E2F3: variants seen among roughly 807,000 people sequenced by gnomAD.
E2F3 encodes transcription factor E2F3.
Under a neutral mutation model 44.4 loss-of-function variants are expected in E2F3, and 11 were observed. The ratio of observed to expected loss-of-function variants is 0.25; its 90% CI spans 0.16 to 0.41. The LOEUF is 0.41. E2F3 is among the 10% of genes least tolerant of loss of function. The pLI is 1.00. For missense variants in E2F3, 487 were observed against 583.6 expected, an observed-to-expected ratio of 0.83 and a Z score of 1.70; for synonymous variants, 249 against 253.0, an observed-to-expected ratio of 0.98 and a Z score of 0.15.
intron 6 of E2F3, among the ~76,000 whole-genome samples, chr6:20,489,386 C>T (rs144475062): frequency 6.6e-6 from 1 of 152,070 alleles, no homozygotes; most frequent in East Asian, 1.9e-4. Context: ...TCGCTTGAGC[C>T]CAGGAGTTCG....
rs184895511 is a variant in E2F3, at chr6:20,467,876, C to T, written c.394-11970C>T. On this transcript the variant is annotated intron_variant, in intron 1 of 6. Coordinates refer to ENST00000346618, the MANE Select transcript of E2F3 (RefSeq NM_001949.5). Reference sequence around the variant, plus strand: ...CTTTAGTGACTGATGCCACTCCATACCATGGGTATGGAGCTGCCACTCCAT... The same window carrying T: ...CTTTAGTGACTGATGCCACTCCATATCATGGGTATGGAGCTGCCACTCCAT... 2.1e-3 allele frequency among the ~76,000 whole-genome samples: 318 copies of T among 151,776 alleles called. 1 individual carries two copies. The highest frequency in any genetic ancestry group is 3.4e-3 in the Non-Finnish European group (234 of 67,914).
intron 1 of E2F3, among the ~76,000 whole-genome samples, chr6:20,434,411 A>G (rs1255964479): frequency 6.6e-6 from 1 of 152,212 alleles, no homozygotes; most frequent in Non-Finnish European, 1.5e-5. Context: ...GAATCTGTGG[A>G]CTTAAAGACA....
chr6:20,471,553 C>A (rs1233365180), intron 1 of E2F3, among the ~76,000 whole-genome samples: 1 of 151,990 alleles, frequency 6.6e-6, no homozygotes, highest in Non-Finnish European at 1.5e-5. Context: ...TGCACTCTAG[C>A]CTGGGCAAAA....
intron 1 of E2F3, among the ~76,000 whole-genome samples, chr6:20,473,189 A>G (rs1040934932): frequency 6.6e-6 from 1 of 152,222 alleles, no homozygotes; most frequent in African/African-American, 2.4e-5. Context: ...ATTATATGTA[A>G]AGAAGAGTTT....
chr6:20,416,111 G>A (rs771156634), intron 1 of E2F3, among the ~76,000 whole-genome samples: 22 of 152,186 alleles, frequency 1.4e-4, no homozygotes, highest in Non-Finnish European at 3.1e-4. Context: ...CCTGTAAAGT[G>A]CTGGCTCCGT....
At position 20,431,421 on chromosome 6, in the gene E2F3, G is replaced by C. The variant is rs1269383839; in HGVS notation, c.393+28796G>C. Among the ~76,000 whole-genome samples, 3 of 152,170 alleles carry C rather than the reference G, an allele frequency of 2.0e-5. No homozygotes were observed. The East Asian group carries it at 5.8e-4, about 29-fold the overall frequency. On this transcript the variant is annotated intron_variant, in intron 1 of 6. Transcript: ENST00000346618. ...CGTGAGCTGAGATTTGCCTTCTGCT[G>C]ACGGTGTCCTGCCTCAGGTGCCAGG...
chr6:20,444,308 T>C (rs1287222687), intron 1 of E2F3, among the ~76,000 whole-genome samples: 1 of 152,252 alleles, frequency 6.6e-6, no homozygotes, highest in East Asian at 1.9e-4. Flanking sequence ...TTATATGTTA[T>C]GGTGTTTTTA....
At chr6:20,424,335 T>G (rs1760135349) in intron 1 of E2F3, among the ~76,000 whole-genome samples, 1 of 147,520 alleles carries the variant, frequency 6.8e-6, no homozygotes, top group South Asian at 2.2e-4. Context: ...TCCCCACGCA[T>G]GCACTTGAAA....
intron 1 of E2F3, among the ~76,000 whole-genome samples, chr6:20,447,622 A>G (rs1760992837): frequency 1.3e-5 from 2 of 151,744 alleles, no homozygotes; most frequent in Admixed American, 6.6e-5. Context: ...ATTTATTTTT[A>G]TATTATGTCG....
intron 1 of E2F3, among the ~76,000 whole-genome samples, chr6:20,435,430 A>G (rs1040462438): frequency 5.3e-5 from 8 of 152,236 alleles, no homozygotes; most frequent in African/African-American, 1.9e-4. Flanking sequence ...TTTAACTTCA[A>G]AAGATAGGGA....
At chr6:20,403,925 G>T in intron 1 of E2F3, 1 of 764,656 alleles carries the variant, frequency 1.3e-6, no homozygotes, top group Non-Finnish European at 2.0e-6. Flanking sequence ...GGTTGAGCGG[G>T]GTTTTGGAGT....
chr6:20,457,661 T>C (rs1223700877), intron 1 of E2F3, among the ~76,000 whole-genome samples: 2 of 152,160 alleles, frequency 1.3e-5, no homozygotes, highest in Non-Finnish European at 2.9e-5. Context: ...CCTGCCACAA[T>C]TGCCTCCTGA....
At position 20,402,668 on chromosome 6, in the gene E2F3, TGGGCTCGCACCGCGC is replaced by T. The variant is rs1338485855; in HGVS notation, c.393+47_393+61del. The stretch of plus-strand genomic sequence containing the variant: ...CACCGTCCCCAGCCCCGGCGGGAGG[TGGGCTCGCACCGCGC>T]GGGGTCGTGGGCGCGCTGCGGGCCG... On this transcript the variant is annotated intron_variant, in intron 1 of 6. Coordinates refer to ENST00000346618, the MANE Select transcript of E2F3 (RefSeq NM_001949.5). This position sits in a 1 kb window ranked among gnomAD's most constrained non-coding sequence, Gnocchi z 5.6. 1.5e-6 allele frequency: 2 copies of T among 1,303,688 alleles called. No individual in the cohort carries two copies. The highest frequency in any genetic ancestry group is 3.1e-5 in the African/African-American group (2 of 64,134). The allele number at this position is 1,303,688 out of a possible 1,614,324, so 80.8% of individuals were successfully genotyped here. A position where few individuals can be genotyped will look rare whatever the true frequency, so the allele number is the denominator to read the frequency against.
chr6:20,485,668 G>A (rs1452090896), intron 4 of E2F3, among the ~76,000 whole-genome samples: 1 of 152,150 alleles, frequency 6.6e-6, no homozygotes, highest in Non-Finnish European at 1.5e-5. Context: ...CATTCAAGTC[G>A]CAGAGCACCT....
rs1760302975 is a variant in E2F3 at position 20,428,842 on chromosome 6, TCC to T, written c.393+26221_393+26222del. Among the ~76,000 whole-genome samples, 3 of 152,312 alleles carry T rather than the reference TCC, an allele frequency of 2.0e-5. No individual in the cohort carries two copies. The South Asian group carries it at 6.2e-4, about 32-fold the overall frequency. On this transcript the variant is annotated intron_variant, in intron 1 of 6. Coordinates refer to ENST00000346618, the MANE Select transcript of E2F3 (RefSeq NM_001949.5). The stretch of plus-strand genomic sequence containing the variant: ...GTGCAAATTTCGTTGCAGCTTTTTT[TCC>T]CCCTTTTGTTATTCTAAGCTGCCCT...
intron 1 of E2F3, among the ~76,000 whole-genome samples, chr6:20,433,075 A>T (rs1219037522): frequency 6.6e-6 from 1 of 152,278 alleles, no homozygotes; most frequent in East Asian, 1.9e-4. Flanking sequence ...TAGTGCCCAC[A>T]ATGTTGCCCG....
intron 1 of E2F3, among the ~76,000 whole-genome samples, chr6:20,423,229 C>T (rs1320000660): frequency 6.6e-6 from 1 of 152,124 alleles, no homozygotes; most frequent in African/African-American, 2.4e-5. Flanking sequence ...TTACACAAAC[C>T]TCATGGTATA....
rs780366667 is a variant in E2F3, at chr6:20,462,859, C to CTTTTT, written c.394-16954_394-16950dup. Among the ~76,000 whole-genome samples the CTTTTT allele has an allele frequency of 8.2e-5, 4 of 48,810 alleles. 1 individual carries two copies. The highest frequency in any genetic ancestry group is 7.3e-5 in the Non-Finnish European group (2 of 27,458). The allele number at this position is 48,810 out of a possible 152,430, so 32.0% of individuals were successfully genotyped here. On this transcript the variant is annotated intron_variant, in intron 1 of 6. Coordinates refer to ENST00000346618, the MANE Select transcript of E2F3 (RefSeq NM_001949.5). ...TGTTTTGTTCTCTTTCTCTCTCTCTCTTTTTTTTTTTTTTTTTTTTTTTTT... is the reference window on the plus strand; with the variant it reads ...TGTTTTGTTCTCTTTCTCTCTCTCTCTTTTTTTTTTTTTTTTTTTTTTTTTTTTTT...
At chr6:20,447,988 A>G (rs1181812265) in intron 1 of E2F3, among the ~76,000 whole-genome samples, 1 of 152,226 alleles carries the variant, frequency 6.6e-6, no homozygotes, top group African/African-American at 2.4e-5. Context: ...TTGGTAATCC[A>G]TCACATCGTC....
Sources: gnomAD v4.1 joint callset for allele counts (sites outside exome capture counted in the v4.1 genomes callset) on GRCh38, gnomAD v4.1.1 for gene constraint, Gnocchi (gnomAD v3.1) non-coding constraint, MANE v1.5 for transcripts, NCBI Gene and HGNC (gene_info 2026-07-23, HGNC 2026-07-21) for gene names.